The following CLASP2 variants were observed in gnomAD, a reference collection of about 807,000 sequenced individuals.
The protein encoded by CLASP2 is cytoplasmic linker associated protein 2.
Under a neutral mutation model 194.4 loss-of-function variants are expected in CLASP2, and 47 were observed. The ratio of observed to expected loss-of-function variants is 0.24; its 90% CI spans 0.19 to 0.31. The LOEUF (loss-of-function observed/expected upper bound fraction) is 0.31, where lower values mean the gene tolerates loss of function less well. CLASP2 is among the 10% of genes least tolerant of loss of function. CLASP2 has a pLI of 1.00. For missense variants in CLASP2, 1,445 were observed against 1,823.6 expected (o/e 0.79, Z 3.78); for synonymous variants, 619 against 633.5 (o/e 0.98, Z 0.34).
intron 6 of CLASP2, among the ~76,000 whole-genome samples, chr3:33,675,674 A>AT (rs1320301163): frequency 6.7e-6 from 1 of 148,606 alleles, no homozygotes; most frequent in East Asian, 2.0e-4. Context: ...ACATGATTGT[A>AT]TATCTAGAAA....
chr3:33,536,356 G>A (rs557384285), intron 33 of CLASP2, among the ~76,000 whole-genome samples: 39 of 152,262 alleles, frequency 2.6e-4, no homozygotes, highest in African/African-American at 8.9e-4. Flanking sequence ...GATTAAATAG[G>A]ATGAGTAGGG....
intron 9 of CLASP2, among the ~76,000 whole-genome samples, chr3:33,628,180 G>A (rs1241755328): frequency 6.6e-6 from 1 of 152,170 alleles, no homozygotes; most frequent in African/African-American, 2.4e-5. Flanking sequence ...AAGAAAGAAT[G>A]CGTGTAAATG....
chr3:33,565,621 T>A (rs2062585216), intron 27 of CLASP2, among the ~76,000 whole-genome samples: 1 of 151,934 alleles, frequency 6.6e-6, no homozygotes, highest in South Asian at 2.1e-4. Flanking sequence ...GAGACCAGCC[T>A]GACTAACATT....
Position 33,644,764 on chromosome 3 carries a change from CT to C in CLASP2, c.854del (p.Lys285ArgfsTer20). ...ARKPGSAGGPKVGGASKEGGA... is the reference protein window; with the variant it reads ...ARKPGSAGGPXVGGASKEGGA... ...GAAATGGATTTACATTACCTCCAACCTTAGGGCCACCTGCTGAACCAGGCTT... is the reference window on the plus strand; with the variant it reads ...GAAATGGATTTACATTACCTCCAACCTAGGGCCACCTGCTGAACCAGGCTT... On this transcript the variant is annotated frameshift_variant, in exon 8 of 39. Coordinates refer to ENST00000682230, the MANE Select transcript of CLASP2 (RefSeq NM_001365631.1). LOFTEE classifies it high-confidence loss of function. The C allele has an allele frequency of 6.2e-7, 1 of 1,613,174 alleles. No homozygotes were observed. The highest frequency in any genetic ancestry group is 8.5e-7 in the Non-Finnish European group (1 of 1,179,598).
intron 32 of CLASP2, among the ~76,000 whole-genome samples, chr3:33,539,621 C>T (rs1233354113): frequency 6.6e-6 from 1 of 152,124 alleles, no homozygotes; most frequent in Non-Finnish European, 1.5e-5. Context: ...AGGCGTGAGC[C>T]ACTGCGCCCA....
Position 33,649,128 on chromosome 3 carries a change from T to G in CLASP2, c.716-4225A>C, listed in dbSNP as rs146698950. ...TCAATGGCAGGGCCTTTGCCTTGCT[T>G]CTTCTGCCTAGAATGCTTTTTTCAT... On this transcript the variant is annotated intron_variant, in intron 7 of 38. Coordinates refer to ENST00000682230, the MANE Select transcript of CLASP2 (RefSeq NM_001365631.1). 5.3e-5 allele frequency among the ~76,000 whole-genome samples: 8 copies of G among 152,332 alleles called. No individual in the cohort carries two copies. The East Asian group carries it at 7.7e-4, about 15-fold the overall frequency.
intron 8 of CLASP2, among the ~76,000 whole-genome samples, chr3:33,640,209 CT>C (rs2154302767): frequency 6.6e-6 from 1 of 152,216 alleles, no homozygotes; most frequent in East Asian, 1.9e-4. Flanking sequence ...AAACAAAATT[CT>C]TAAGATTTAT....
intron 12 of CLASP2, among the ~76,000 whole-genome samples, chr3:33,618,772 C>T (rs1258724837): frequency 6.6e-6 from 1 of 152,152 alleles, no homozygotes; most frequent in African/African-American, 2.4e-5. Context: ...GAAAAGTACA[C>T]ATTAAATTGC....
At chr3:33,706,720 G>C (rs2092702370) in intron 1 of CLASP2, among the ~76,000 whole-genome samples, 1 of 152,100 alleles carries the variant, frequency 6.6e-6, no homozygotes, top group Admixed American at 6.5e-5. Context: ...CCAGCACTTT[G>C]AGATGCCAAG....
At chr3:33,604,983 C>T (rs2073414128) in intron 16 of CLASP2, among the ~76,000 whole-genome samples, 1 of 152,196 alleles carries the variant, frequency 6.6e-6, no homozygotes, top group African/African-American at 2.4e-5. Flanking sequence ...AAGCTAACAT[C>T]ACATTATTTT....
At chr3:33,553,540 A>C (rs1163237877) in intron 29 of CLASP2, among the ~76,000 whole-genome samples, 5 of 152,210 alleles carry the variant, frequency 3.3e-5, no homozygotes, top group Non-Finnish European at 7.3e-5. Context: ...AAATGGGCAA[A>C]GGATCTGAAT....
intron 6 of CLASP2, among the ~76,000 whole-genome samples, chr3:33,680,333 CT>C (rs2089594770): frequency 6.6e-6 from 1 of 152,176 alleles, no homozygotes; most frequent in Non-Finnish European, 1.5e-5. Flanking sequence ...AGGGTCACCC[CT>C]AGTGCAAACT....
chr3:33,551,300 A>G lies in CLASP2; in HGVS notation c.3105T>C (p.Ser1035=). The change falls in exon 30 of 39, where the codon TCT becomes TCC. Residue 1035 remains serine, a synonymous_variant. Transcript: ENST00000682230. ...GTTCTGTTGTCCAAGTGATGACCCG[A>G]GACACTGCTAGGCGAGTTTCACTGG... ...INSSETRLAV[S]RVITWTTEPK... is the part of the protein sequence containing the mutation. The G allele has an allele frequency of 6.2e-7, 1 of 1,613,844 alleles. No individual in the cohort carries two copies. The highest frequency in any genetic ancestry group is 8.5e-7 in the Non-Finnish European group (1 of 1,179,814).
At chr3:33,509,605 T>C (rs1432944272) in intron 37 of CLASP2, among the ~76,000 whole-genome samples, 2 of 152,192 alleles carry the variant, frequency 1.3e-5, no homozygotes, top group African/African-American at 4.8e-5. Flanking sequence ...AAGCTTAGAC[T>C]AGAATAAAAA....
At chr3:33,555,713 A>C (rs2060805170) in intron 29 of CLASP2, among the ~76,000 whole-genome samples, 1 of 152,160 alleles carries the variant, frequency 6.6e-6, no homozygotes, top group Non-Finnish European at 1.5e-5. Context: ...CTCAGTGTGA[A>C]TAGCTGGAAG....
intron 34 of CLASP2, among the ~76,000 whole-genome samples, chr3:33,518,290 T>C (rs1047664672): frequency 3.3e-5 from 5 of 152,228 alleles, no homozygotes; most frequent in African/African-American, 7.2e-5. Flanking sequence ...TGCTTATTTT[T>C]AAACAACTTA....
At chr3:33,501,524 G>T in intron 38 of CLASP2, 128 bp downstream of exon 38, 1 of 596,970 alleles carries the variant, frequency 1.7e-6, no homozygotes. Flanking sequence ...GAAATAATAA[G>T]GGCAAGTTGG....
In CLASP2 at chr3:33,715,999, TGATTTAGGAAAGA is replaced by T. The variant is rs143811150; in HGVS notation, c.195+1796_195+1808del. 3.7e-3 allele frequency among the ~76,000 whole-genome samples: 569 copies of T among 152,014 alleles called. 1 individual carries two copies. Among genetic ancestry groups the T allele is most frequent in the African/African-American group, 0.013 (541 of 41,454 alleles). On this transcript the variant is annotated intron_variant, in intron 1 of 38. Transcript: ENST00000682230. ...AATTCAACAGAAAGGGAAGAACTAG[TGATTTAGGAAAGA>T]GAGCAGAATTGATGGATCAATGTCC...
At chr3:33,509,128 C>A (rs1396116898) in intron 37 of CLASP2, among the ~76,000 whole-genome samples, 1 of 152,176 alleles carries the variant, frequency 6.6e-6, no homozygotes, top group African/African-American at 2.4e-5. Context: ...ATAATATTTT[C>A]ATTTTGACAT....
Sources: allele counts gnomAD v4.1 joint callset (sites outside exome capture counted in the v4.1 genomes callset), GRCh38; gene constraint gnomAD v4.1.1; transcripts MANE v1.5; gene names NCBI Gene and HGNC (gene_info 2026-07-23, HGNC 2026-07-21).